Variants in UNC45B observed in about 807,000 individuals in gnomAD.
UNC45B encodes the protein protein unc-45 homolog B.
Under a neutral mutation model 98.7 loss-of-function variants are expected in UNC45B, and 78 were observed. The observed-to-expected ratio is 0.79, with a 90% CI of 0.66 to 0.95. The LOEUF is 0.95. Among genes scored for constraint, UNC45B ranks in the 40% least tolerant of loss-of-function variants. UNC45B has a pLI of 0.00. For missense variants in UNC45B, 1,225 were observed against 1,184.9 expected (o/e 1.03, Z -0.50); for synonymous variants, 462 against 480.4 (o/e 0.96, Z 0.50).
intron 4 of UNC45B, among the ~76,000 whole-genome samples, chr17:35,150,621 C>T (rs938705944): frequency 1.3e-5 from 2 of 151,928 alleles, no homozygotes; most frequent in South Asian, 2.1e-4. Context: ...GTGGTGGGGG[C>T]GCCTGTAATC....
intron 8 of UNC45B, among the ~76,000 whole-genome samples, chr17:35,161,451 C>G (rs1273420439): frequency 1.3e-5 from 2 of 151,984 alleles, no homozygotes; most frequent in African/African-American, 4.8e-5. Context: ...ATGAGATGCT[C>G]AAGGCATGGG....
chr17:35,171,081 T>C (rs1223580517), intron 12 of UNC45B, among the ~76,000 whole-genome samples: 3 of 152,146 alleles, frequency 2.0e-5, no homozygotes, highest in East Asian at 1.9e-4. Flanking sequence ...GCGAGGATCT[T>C]TGTGGGACAG....
intron 9 of UNC45B, among the ~76,000 whole-genome samples, chr17:35,167,212 A>G (rs1444474593): frequency 6.6e-6 from 1 of 152,170 alleles, no homozygotes. Context: ...GTCCTCCCAG[A>G]CACAGCAGCT....
chr17:35,151,614 A>G (rs2092020135), intron 4 of UNC45B, among the ~76,000 whole-genome samples: 1 of 152,158 alleles, frequency 6.6e-6, no homozygotes, highest in African/African-American at 2.4e-5. Flanking sequence ...TCCTCTCTGT[A>G]AGAGCCATAA....
At position 35,180,659 on chromosome 17, in the gene UNC45B, A is replaced by G; in HGVS notation, c.2356A>G (p.Met786Val). 6.2e-7 allele frequency: 1 copy of G among 1,613,622 alleles called. No individual in the cohort carries two copies. The highest frequency in any genetic ancestry group is 1.1e-5 in the South Asian group (1 of 91,018). ...GGCGGCCACCGAGTGCATGTGCAAC[A>G]TGGTGCTCCACAAGGAGGTGAGGCA... ...RQAATECMCN[M>V]VLHKEVQERF... Residue 786 changes from methionine (M) to valine (V), a missense_variant, in exon 18 of 20, where the codon ATG (methionine) becomes GTG (valine). Transcript: ENST00000394570.
At chr17:35,177,753 A>C (rs987799277) in intron 17 of UNC45B, 143 bp downstream of exon 17, 19 of 603,798 alleles carry the variant, frequency 3.1e-5, no homozygotes, top group Middle Eastern at 6.3e-4. Context: ...CAAATCCACA[A>C]ACCACACAGT....
intron 18 of UNC45B, among the ~76,000 whole-genome samples, chr17:35,181,385 G>A (rs955048560): frequency 1.3e-5 from 2 of 152,168 alleles, no homozygotes; most frequent in South Asian, 2.1e-4. Context: ...GGGCCAAGCC[G>A]AATGTCCCTC....
intron 7 of UNC45B, 105 bp downstream of exon 7, chr17:35,155,569 G>A (rs778387454): frequency 1.6e-6 from 2 of 1,244,474 alleles, no homozygotes; most frequent in Non-Finnish European, 2.3e-6. Context: ...TTGGTTTTAT[G>A]TATTTTCTTT....
intron 3 of UNC45B, among the ~76,000 whole-genome samples, chr17:35,149,397 T>C: frequency 6.6e-6 from 1 of 152,164 alleles, no homozygotes; most frequent in South Asian, 2.1e-4. Context: ...TTGTTTGTTT[T>C]GTTTTGTTTT....
chr17:35,153,560 G>A (rs941640010), intron 5 of UNC45B, among the ~76,000 whole-genome samples: 1 of 151,774 alleles, frequency 6.6e-6, no homozygotes, highest in African/African-American at 2.4e-5. Context: ...ACATTTGCAA[G>A]AACTTGAGAG....
In UNC45B at chr17:35,187,719, C is replaced by T. The variant is rs2142622063; in HGVS notation, c.*1160C>T. The T allele has an allele frequency of 6.6e-6, 1 of 152,302 alleles. No individual in the cohort carries two copies. The highest frequency in any genetic ancestry group is 2.4e-5 in the African/African-American group (1 of 41,572). 9.4% of individuals were successfully genotyped at this position (152,302 alleles called of 1,614,324 possible). On this transcript the variant is annotated 3_prime_UTR_variant, in exon 20 of 20. Coordinates refer to ENST00000394570, the MANE Select transcript of UNC45B (RefSeq NM_001267052.2). The stretch of plus-strand genomic sequence containing the variant: ...AATGTACCCTGGGCAGATCAAAGAA[C>T]ATATTCTGTATGTCAGGCTTGGCCA...
Position 35,166,086 on chromosome 17 carries a change from T to TAAAA in UNC45B, c.1151+1942_1151+1945dup, listed in dbSNP as rs55844448. 8.6e-3 allele frequency among the ~76,000 whole-genome samples: 497 copies of TAAAA among 58,104 alleles called. 18 individuals carry two copies. The highest frequency in any genetic ancestry group is 0.032 in the African/African-American group (458 of 14,110). The allele number at this position is 58,104 out of a possible 152,430, so 38.1% of individuals were successfully genotyped here. ...GGCAATGTAGAGAGACCCTCATCTC[T>TAAAA]AAAAAAAAAAAAAAAAAAAAAAAAA... On this transcript the variant is annotated intron_variant, in intron 9 of 19. Transcript: ENST00000394570.
intron 4 of UNC45B, among the ~76,000 whole-genome samples, chr17:35,151,400 A>T (rs1442040947): frequency 6.6e-6 from 1 of 152,126 alleles, no homozygotes; most frequent in Non-Finnish European, 1.5e-5. Context: ...CATGTTGGCC[A>T]GACTCTCTCG....
intron 7 of UNC45B, among the ~76,000 whole-genome samples, chr17:35,157,644 T>C (rs2092073252): frequency 6.6e-6 from 1 of 152,240 alleles, no homozygotes; most frequent in Non-Finnish European, 1.5e-5. Flanking sequence ...TCACAAGCAA[T>C]GATGAGAGTC....
intron 7 of UNC45B, among the ~76,000 whole-genome samples, chr17:35,156,384 T>G (rs1312644360): frequency 6.6e-6 from 1 of 152,122 alleles, no homozygotes; most frequent in Admixed American, 6.5e-5. Flanking sequence ...TCCCAGCAAT[T>G]TGGGAGGCCG....
intron 5 of UNC45B, among the ~76,000 whole-genome samples, chr17:35,153,757 G>A (rs1446207297): frequency 6.9e-6 from 1 of 145,948 alleles, no homozygotes; most frequent in African/African-American, 2.5e-5. Context: ...TGATAGTGAT[G>A]GTTCTGGTCA....
At position 35,182,925 on chromosome 17, in the gene UNC45B, TG is replaced by T. The variant is rs373422427; in HGVS notation, c.2374-500del. On this transcript the variant is annotated intron_variant, in intron 18 of 19. Coordinates refer to ENST00000394570, the MANE Select transcript of UNC45B (RefSeq NM_001267052.2). ...ACTGGTCCCCTGGAAGCTCTTCTCC[TG>T]GTTTTCAGATCGTTGGGAAGCCTCA... Among the ~76,000 whole-genome samples, 62 of 152,182 alleles carry T rather than the reference TG, an allele frequency of 4.1e-4. No homozygotes were observed. In the East Asian group the frequency reaches 9.5e-3, roughly 23 times the overall value.
At chr17:35,171,492 T>C in intron 13 of UNC45B, 30 bp downstream of exon 13, 1 of 1,609,398 alleles carries the variant, frequency 6.2e-7, no homozygotes, top group Non-Finnish European at 8.5e-7. Context: ...GGGAGGGGTC[T>C]GGTCTGTGCC....
In UNC45B at chr17:35,188,669, G is replaced by T. The variant is rs1437018673; in HGVS notation, c.*2110G>T. On this transcript the variant is annotated 3_prime_UTR_variant, in exon 20 of 20. Transcript: ENST00000394570. The stretch of plus-strand genomic sequence containing the variant: ...AAAAATTTTTTTTTGTAGAGACAGG[G>T]TCTCACTATGTTGCCCAGTCTGGGA... The T allele has an allele frequency of 6.6e-6, 1 of 152,060 alleles. No individual in the cohort carries two copies. The highest frequency in any genetic ancestry group is 1.5e-5 in the Non-Finnish European group (1 of 68,008). 9.4% of individuals were successfully genotyped at this position (152,060 alleles called of 1,614,324 possible).
Sources: gnomAD v4.1 joint callset for allele counts (sites outside exome capture counted in the v4.1 genomes callset) on GRCh38, gnomAD v4.1.1 for gene constraint, MANE v1.5 for transcripts, NCBI Gene and HGNC (gene_info 2026-07-23, HGNC 2026-07-21) for gene names.